The following FAM131B variants were observed in gnomAD, a reference collection of about 807,000 sequenced individuals.
FAM131B encodes family with sequence similarity 131 member B.
In FAM131B, 19 loss-of-function variants were observed where a neutral mutation model predicts 42.0. The observed-to-expected ratio is 0.45, with a 90% CI of 0.32 to 0.66. The LOEUF (loss-of-function observed/expected upper bound fraction) is 0.66. Among genes scored for constraint, FAM131B ranks in the 30% least tolerant of loss-of-function variants. The pLI is 0.05. For synonymous variants in FAM131B, 183 were observed against 177.6 expected, an observed-to-expected ratio of 1.03 and a Z score of -0.24; for missense variants, 370 against 468.4, an observed-to-expected ratio of 0.79 and a Z score of 1.94.
the FAM131B span, chr7:143,381,299 C>G: frequency 1.8e-6 from 2 of 1,097,714 alleles, no homozygotes; most frequent in Non-Finnish European, 2.2e-6. Context: ...CCTCCTCCTT[C>G]CGTGTGTCCC....
rs1344305450 is a variant in FAM131B at position 143,362,541 on chromosome 7, G to T, written c.28+35C>A. On this transcript the variant is annotated intron_variant, in intron 1 of 6. Transcript: ENST00000443739. This position sits in a 1 kb window ranked among gnomAD's most constrained non-coding sequence, Gnocchi z 7.7. Reference sequence around the variant, plus strand: ...AGGGGGTCGGAGGGCGGCCCGGGGGGCCCAGCCCTGCCCCCGCCCGGCCGC... The same window carrying T: ...AGGGGGTCGGAGGGCGGCCCGGGGGTCCCAGCCCTGCCCCCGCCCGGCCGC... 1.0e-5 allele frequency: 12 copies of T among 1,165,458 alleles called. No individual in the cohort carries two copies. Among genetic ancestry groups the T allele is most frequent in the Non-Finnish European group, 1.2e-5 (11 of 929,962 alleles). The allele number at this position is 1,165,458 out of a possible 1,614,324, so 72.2% of individuals were successfully genotyped here. A position where few individuals can be genotyped will look rare whatever the true frequency, so the allele number is the denominator to read the frequency against.
chr7:143,360,084 T>C lies in FAM131B; in HGVS notation c.94A>G (p.Thr32Ala), dbSNP rs778760642. Reference protein sequence around the residue: ...KDVDQINMDSTSSLHGSSLHR... With the variant: ...KDVDQINMDSASSLHGSSLHR... ...AGGCTGCTCCCGTGCAGTGAGCTGG[T>C]GCTGTCCATGTTGATTTGATCGACA... The change falls in exon 2 of 7, where the codon ACC becomes GCC. Residue 32 changes from threonine to alanine, a missense_variant. By Grantham distance (58) the Thr-to-Ala change is moderately conservative (BLOSUM62 0). Transcript: ENST00000443739. 2 of 1,614,054 alleles carry C rather than the reference T, an allele frequency of 1.2e-6. No individual in the cohort carries two copies. Among genetic ancestry groups the C allele is most frequent in the Non-Finnish European group, 1.7e-6 (2 of 1,179,988 alleles).
chr7:143,356,860 G>T lies in FAM131B; in HGVS notation c.773C>A (p.Pro258His). The change falls in exon 7 of 7, where the codon CCC (proline) becomes CAC (histidine). Residue 258 changes from proline to histidine, a missense_variant. By Grantham distance (77) the Pro-to-His change is moderately conservative. Transcript: ENST00000443739. This position sits in a 1 kb window ranked among gnomAD's most constrained non-coding sequence, Gnocchi z 4.4. The part of the protein sequence containing the change: ...YLGPAFDDSQ[P>H]SLHEMGPSQP... ...GGAAGGTCCCATTTCATGCAAGCTG[G>T]GTTGTGAGTCATCAAATGCAGGCCC... 6.2e-7 allele frequency: 1 copy of T among 1,614,118 alleles called. No homozygotes were observed.
Position 143,359,691 on chromosome 7 carries a change from A to T in FAM131B, c.174+41T>A, listed in dbSNP as rs1408971278. ...TGCAAGGGAGAAGATGAGGAGGAGG[A>T]GTTCGGGAGGATGGGGAGGTCTGGG... On this transcript the variant is annotated intron_variant, in intron 3 of 6. Coordinates refer to ENST00000443739, the MANE Select transcript of FAM131B (RefSeq NM_001031690.3). This position sits in a 1 kb window ranked among gnomAD's most constrained non-coding sequence, Gnocchi z 5.4. 6.5e-7 allele frequency: 1 copy of T among 1,541,710 alleles called. No individual in the cohort carries two copies. The highest frequency in any genetic ancestry group is 1.2e-5 in the South Asian group (1 of 84,158).
At chr7:143,357,815 G>A (rs1586533557) in intron 5 of FAM131B, among the ~76,000 whole-genome samples, 1 of 152,140 alleles carries the variant, frequency 6.6e-6, no homozygotes, top group Non-Finnish European at 1.5e-5. Context: ...CTAATGTATT[G>A]GACAGCACAG....
the FAM131B span, among the ~76,000 whole-genome samples, chr7:143,371,949 T>C: frequency 6.6e-6 from 1 of 152,158 alleles, no homozygotes. Flanking sequence ...TTGATGTAGG[T>C]AGAGCCTAGG....
At chr7:143,370,463 A>G in the FAM131B span, among the ~76,000 whole-genome samples, 30 of 152,306 alleles carry the variant, frequency 2.0e-4, no homozygotes, top group Middle Eastern at 6.8e-3. Context: ...ATGGCATTCT[A>G]AGTCACAGGA....
At chr7:143,382,102 GGCGCCCT>G in the FAM131B span, 44,132 of 696,644 alleles carry the variant, frequency 0.063, 2,880 homozygotes, top group East Asian at 0.26. Context: ...GTACTCCCAG[GGCGCCCT>G]GCGCCCCTCC....
At chr7:143,373,254 G>A in the FAM131B span, among the ~76,000 whole-genome samples, 63 of 151,892 alleles carry the variant, frequency 4.1e-4, no homozygotes, top group Non-Finnish European at 6.3e-4. Flanking sequence ...GTGGTGGTGC[G>A]CACCTGTAAT....
At chr7:143,360,207 A>C in intron 1 of FAM131B, 58 bp from the exon 2 acceptor site, 1 of 1,553,834 alleles carries the variant, frequency 6.4e-7, no homozygotes, top group Non-Finnish European at 8.7e-7. Flanking sequence ...CCGAGGCGAC[A>C]CCCTGGGGCC....
chr7:143,381,829 G>A, the FAM131B span: 2 of 1,472,302 alleles, frequency 1.4e-6, no homozygotes, highest in Non-Finnish European at 1.8e-6. Flanking sequence ...CGGGGTGGGG[G>A]GCAGTCGTTT....
chr7:143,362,556 CG>C lies in FAM131B; in HGVS notation c.28+19del. 1 of 1,213,214 alleles carries C rather than the reference CG, an allele frequency of 8.2e-7. No homozygotes were observed. Among genetic ancestry groups the C allele is most frequent in the Non-Finnish European group, 1.0e-6 (1 of 973,282 alleles). 75.2% of individuals were successfully genotyped at this position (1,213,214 alleles called of 1,614,324 possible). Reference sequence around the variant, plus strand: ...GGCCCGGGGGGCCCAGCCCTGCCCCCGCCCGGCCGCGGTACCCACCCACAGT... The same window carrying C: ...GGCCCGGGGGGCCCAGCCCTGCCCCCCCCGGCCGCGGTACCCACCCACAGT... On this transcript the variant is annotated intron_variant, in intron 1 of 6. Transcript: ENST00000443739. The surrounding 1 kb of genome is among the most constrained non-coding windows in gnomAD (Gnocchi z 7.7).
chr7:143,356,905 G>A lies in FAM131B; in HGVS notation c.728C>T (p.Pro243Leu), dbSNP rs558108883. 104 of 1,613,976 alleles carry A rather than the reference G, an allele frequency of 6.4e-5. No homozygotes were observed. The highest frequency in any genetic ancestry group is 5.7e-5 in the Non-Finnish European group (67 of 1,180,024). The change falls in exon 7 of 7, where the codon CCG becomes CTG. Residue 243 changes from proline (P) to leucine (L), a missense_variant. Transcript: ENST00000443739. The surrounding 1 kb of genome is among the most constrained non-coding windows in gnomAD (Gnocchi z 4.4). ...EASDQSLIAS[P>L]ATGSYLGPAF... is the part of the protein sequence containing the mutation. ...AGGCCCAAGATAGGATCCTGTGGCC[G>A]GAGAGGCAATGAGGGACTGATCGCT...
Position 143,355,668 on chromosome 7 carries a change from T to A in FAM131B, c.*882A>T, listed in dbSNP as rs1256811338. 6.6e-6 allele frequency: 1 copy of A among 152,656 alleles called. No homozygotes were observed. The highest frequency in any genetic ancestry group is 6.5e-5 in the Admixed American group (1 of 15,284). 9.5% of individuals were successfully genotyped at this position (152,656 alleles called of 1,614,324 possible). A position where few individuals can be genotyped will look rare whatever the true frequency, so the allele number is the denominator to read the frequency against. On this transcript the variant is annotated 3_prime_UTR_variant, in exon 7 of 7. Transcript: ENST00000443739. This position sits in a 1 kb window ranked among gnomAD's most constrained non-coding sequence, Gnocchi z 4.1. ...GACACCTGCATCCTGCGTTGGTGTA[T>A]CCAAGATGGGTGTCCCCACACCCTC...
In FAM131B at chr7:143,356,189, G is replaced by A. The variant is rs140262909; in HGVS notation, c.*361C>T. ...TACAGCTCCTGGAAGACGAAATCGG[G>A]GCGTGAAGAACTGAGATCCAGTCTT... On this transcript the variant is annotated 3_prime_UTR_variant, in exon 7 of 7. Coordinates refer to ENST00000443739, the MANE Select transcript of FAM131B (RefSeq NM_001031690.3). The surrounding 1 kb of genome is among the most constrained non-coding windows in gnomAD (Gnocchi z 4.4). 8.2e-6 allele frequency: 2 copies of A among 244,236 alleles called. No homozygotes were observed. Among genetic ancestry groups the A allele is most frequent in the Admixed American group, 4.9e-5 (1 of 20,306 alleles). 15.1% of individuals were successfully genotyped at this position (244,236 alleles called of 1,614,324 possible).
At chr7:143,369,821 T>C in the FAM131B span, among the ~76,000 whole-genome samples, 2 of 152,180 alleles carry the variant, frequency 1.3e-5, no homozygotes, top group Non-Finnish European at 2.9e-5. Flanking sequence ...AATCCTAGTG[T>C]ATAGGTTCAG....
At chr7:143,368,712 A>G in the FAM131B span, among the ~76,000 whole-genome samples, 1 of 152,232 alleles carries the variant, frequency 6.6e-6, no homozygotes, top group Non-Finnish European at 1.5e-5. Flanking sequence ...CACAGCTGAC[A>G]GCCTACCTCT....
At chr7:143,381,369 A>G in the FAM131B span, 64 of 1,165,306 alleles carry the variant, frequency 5.5e-5, no homozygotes, top group Non-Finnish European at 9.5e-6. Context: ...CCCGGCGCCG[A>G]GGCGGCCACC....
intron 1 of FAM131B, 99 bp from the exon 2 acceptor site, chr7:143,360,248 G>A: frequency 6.5e-7 from 1 of 1,528,238 alleles, no homozygotes; most frequent in Non-Finnish European, 8.8e-7. Context: ...TACCCCAGCT[G>A]CCCATTTCCT....
Sources: gnomAD v4.1 joint callset for allele counts (sites outside exome capture counted in the v4.1 genomes callset) on GRCh38, gnomAD v4.1.1 for gene constraint, Gnocchi (gnomAD v3.1) non-coding constraint, MANE v1.5 for transcripts, NCBI Gene and HGNC (gene_info 2026-07-23, HGNC 2026-07-21) for gene names.